Variants in DAAM1 observed in about 807,000 individuals in gnomAD.
DAAM1 encodes disheveled-associated activator of morphogenesis 1.
DAAM1 carries 52 observed loss-of-function variants against 130.0 expected under a neutral mutation model. That is an observed-to-expected ratio of 0.40 (90% CI 0.32 to 0.50). The LOEUF (loss-of-function observed/expected upper bound fraction) is 0.50, where lower values mean the gene tolerates loss of function less well. DAAM1 is among the 20% of genes least tolerant of loss of function. The pLI is 0.61. For missense variants in DAAM1, 1,134 were observed against 1,303.8 expected, an observed-to-expected ratio of 0.87 and a Z score of 2.01; for synonymous variants, 452 against 444.5, an observed-to-expected ratio of 1.02 and a Z score of -0.21.
intron 2 of DAAM1, among the ~76,000 whole-genome samples, chr14:59,281,856 A>G (rs1443258200): frequency 6.6e-6 from 1 of 152,092 alleles, no homozygotes; most frequent in Non-Finnish European, 1.5e-5. Flanking sequence ...AATGAGTCAG[A>G]GCAGAGATAC....
chr14:59,296,771 T>A (rs1466640932), intron 3 of DAAM1, among the ~76,000 whole-genome samples: 3 of 152,210 alleles, frequency 2.0e-5, no homozygotes. Flanking sequence ...ACTGTACACT[T>A]TCCTCTTTGA....
intron 1 of DAAM1, among the ~76,000 whole-genome samples, chr14:59,219,960 A>T (rs1292889465): frequency 6.6e-6 from 1 of 152,224 alleles, no homozygotes; most frequent in Non-Finnish European, 1.5e-5. Flanking sequence ...GCTATAGATT[A>T]TGTTTGAATT....
intron 5 of DAAM1, among the ~76,000 whole-genome samples, chr14:59,321,567 C>G (rs1365885304): frequency 2.0e-5 from 3 of 152,174 alleles, no homozygotes; most frequent in Non-Finnish European, 4.4e-5. Context: ...CCTTTAATGC[C>G]TCTAGGATTT....
At chr14:59,328,255 A>G (rs1230471967) in intron 12 of DAAM1, among the ~76,000 whole-genome samples, 5 of 152,354 alleles carry the variant, frequency 3.3e-5, no homozygotes, top group Admixed American at 6.5e-5. Flanking sequence ...CCTCATATGT[A>G]TTCAGATTGC....
intron 1 of DAAM1, among the ~76,000 whole-genome samples, chr14:59,224,264 C>T (rs918136488): frequency 1.3e-5 from 2 of 152,202 alleles, no homozygotes; most frequent in Non-Finnish European, 2.9e-5. Context: ...GTTTGTTAAG[C>T]TTATGATAGT....
intron 2 of DAAM1, among the ~76,000 whole-genome samples, chr14:59,267,296 A>G: frequency 6.6e-6 from 1 of 152,178 alleles, no homozygotes; most frequent in East Asian, 1.9e-4. Context: ...TTCTTTCAGA[A>G]TTGGTTACTG....
chr14:59,239,088 G>T (rs1889398445), intron 1 of DAAM1, among the ~76,000 whole-genome samples: 1 of 152,178 alleles, frequency 6.6e-6, no homozygotes, highest in African/African-American at 2.4e-5. Flanking sequence ...ATATCTGATT[G>T]CCTGTGCCTC....
chr14:59,268,405 T>G (rs1594789749), intron 2 of DAAM1, among the ~76,000 whole-genome samples: 1 of 152,248 alleles, frequency 6.6e-6, no homozygotes, highest in South Asian at 2.1e-4. Flanking sequence ...GTTGAACTTT[T>G]GAGAAACTTT....
chr14:59,312,898 A>G (rs1413111708), intron 3 of DAAM1, among the ~76,000 whole-genome samples: 1 of 152,230 alleles, frequency 6.6e-6, no homozygotes, highest in Non-Finnish European at 1.5e-5. Flanking sequence ...AAGTATATAC[A>G]ATCTAGAACA....
intron 10 of DAAM1, 85 bp downstream of exon 10, chr14:59,326,162 A>C: frequency 7.9e-6 from 10 of 1,259,540 alleles, no homozygotes; most frequent in Non-Finnish European, 1.2e-5. Flanking sequence ...AGTGCTGATT[A>C]CATTGGGTGC....
At chr14:59,356,620 A>C (rs1221196101) in intron 20 of DAAM1, among the ~76,000 whole-genome samples, 1 of 152,210 alleles carries the variant, frequency 6.6e-6, no homozygotes, top group Non-Finnish European at 1.5e-5. Context: ...TTAGCAGCAG[A>C]AGGATCTTAT....
At chr14:59,311,008 A>G (rs1273457092) in intron 3 of DAAM1, among the ~76,000 whole-genome samples, 2 of 152,168 alleles carry the variant, frequency 1.3e-5, no homozygotes, top group African/African-American at 4.8e-5. Flanking sequence ...ATACTTATGT[A>G]TTATTATTTG....
intron 3 of DAAM1, among the ~76,000 whole-genome samples, chr14:59,308,895 A>G (rs1384622758): frequency 2.0e-5 from 3 of 152,176 alleles, no homozygotes; most frequent in South Asian, 2.1e-4. Flanking sequence ...TTCTGTAATC[A>G]TTCTTTGTGT....
chr14:59,343,065 T>C (rs899174002), intron 16 of DAAM1, among the ~76,000 whole-genome samples: 1 of 152,168 alleles, frequency 6.6e-6, no homozygotes, highest in African/African-American at 2.4e-5. Context: ...ATGAAGATCA[T>C]GAGGGTAGCA....
intron 2 of DAAM1, among the ~76,000 whole-genome samples, chr14:59,280,286 T>C (rs1415207948): frequency 6.6e-6 from 1 of 152,122 alleles, no homozygotes; most frequent in Non-Finnish European, 1.5e-5. Flanking sequence ...TTAAAATGCA[T>C]TGGGCATGTG....
Position 59,314,671 on chromosome 14 carries a change from C to T in DAAM1, c.274-609C>T, listed in dbSNP as rs1009676827. Among the ~76,000 whole-genome samples the T allele has an allele frequency of 3.9e-5, 6 of 152,154 alleles. No individual in the cohort carries two copies. The East Asian group carries it at 9.6e-4, about 24-fold the overall frequency. ...TTTCCACTCAGAGGCACTACCTTTT[C>T]TATCAAAACTCCTGAGCTGTCACAG... On this transcript the variant is annotated intron_variant, in intron 3 of 24. Coordinates refer to ENST00000360909, the MANE Select transcript of DAAM1 (RefSeq NM_001270520.2).
chr14:59,238,188 G>T (rs1010685036), intron 1 of DAAM1, among the ~76,000 whole-genome samples: 4 of 152,154 alleles, frequency 2.6e-5, no homozygotes, highest in Non-Finnish European at 5.9e-5. Flanking sequence ...GAATTTCTCA[G>T]GATGTTTCTC....
At chr14:59,232,652 G>A (rs1889148781) in intron 1 of DAAM1, among the ~76,000 whole-genome samples, 1 of 139,750 alleles carries the variant, frequency 7.2e-6, no homozygotes, top group Non-Finnish European at 1.6e-5. Flanking sequence ...TTTCTTTTAA[G>A]TTCTGGGATA....
chr14:59,301,099 A>C (rs545123592), intron 3 of DAAM1, among the ~76,000 whole-genome samples: 70 of 152,068 alleles, frequency 4.6e-4, no homozygotes, highest in African/African-American at 1.7e-3. Flanking sequence ...AAGGAAACTA[A>C]TATCTCATTG....
Sources: gnomAD v4.1 joint callset for allele counts (sites outside exome capture counted in the v4.1 genomes callset) on GRCh38, gnomAD v4.1.1 for gene constraint, MANE v1.5 for transcripts, NCBI Gene and HGNC (gene_info 2026-07-23, HGNC 2026-07-21) for gene names.